The following MCM5 variants were observed in gnomAD, a reference collection of about 807,000 sequenced individuals.
MCM5 encodes the protein minichromosome maintenance complex component 5, also known as DNA replication licensing factor MCM5.
A neutral mutation model predicts 79.9 loss-of-function variants in MCM5; 46 were observed. The observed-to-expected ratio is 0.58, with a 90% CI of 0.45 to 0.74. The LOEUF (loss-of-function observed/expected upper bound fraction) is 0.74, where lower values mean the gene tolerates loss of function less well. Among genes scored for constraint, MCM5 ranks in the 30% least tolerant of loss-of-function variants. The pLI, the probability that MCM5 is intolerant of heterozygous loss-of-function variation, is 0.00. For synonymous variants in MCM5, 404 were observed against 390.5 expected, an observed-to-expected ratio of 1.03 and a Z score of -0.41; for missense variants, 883 against 1,017.0, an observed-to-expected ratio of 0.87 and a Z score of 1.79.
chr22:35,413,746 C>A, intron 8 of MCM5, 129 bp from the exon 9 acceptor site: 2 of 655,286 alleles, frequency 3.1e-6, no homozygotes, highest in Non-Finnish European at 5.6e-6. Flanking sequence ...ACAGCCACTA[C>A]CTTCTTACCA....
At chr22:35,445,325 C>CTTTTTTTTTTTT in the MCM5 span, among the ~76,000 whole-genome samples, 2 of 83,626 alleles carry the variant, frequency 2.4e-5, no homozygotes, top group African/African-American at 5.2e-5. Flanking sequence ...TTTGACTATG[C>CTTTTTTTTTTTT]TTTTTTTTTT....
At chr22:35,412,253 C>T (rs1043352425) in intron 7 of MCM5, among the ~76,000 whole-genome samples, 1 of 152,208 alleles carries the variant, frequency 6.6e-6, no homozygotes, top group African/African-American at 2.4e-5. Context: ...TTTCCAAGGT[C>T]CTATGCCATC....
chr22:35,403,281 A>T lies in MCM5; in HGVS notation c.242A>T (p.Asp81Val), dbSNP rs1932114059. ...EVEMEDLASFDEDLADYLYKQ... is the reference protein window; with the variant it reads ...EVEMEDLASFVEDLADYLYKQ... ...GAGATGGAGGATCTGGCCAGCTTTG[A>T]TGAGGACCTGGCCGACTACTTGTAC... Residue 81 changes from aspartate (D) to valine (V), a missense_variant, in exon 3 of 17, where the codon GAT becomes GTT. Physicochemically the swap from Asp to Val is radical, Grantham distance 152. Transcript: ENST00000216122. 1.2e-6 allele frequency: 2 copies of T among 1,613,944 alleles called. No homozygotes were observed. The highest frequency in any genetic ancestry group is 1.7e-5 in the Admixed American group (1 of 59,990).
At chr22:35,454,177 C>G in the MCM5 span, among the ~76,000 whole-genome samples, 97 of 152,200 alleles carry the variant, frequency 6.4e-4, 1 homozygote, top group East Asian at 0.012. Flanking sequence ...CCTCCTCTCC[C>G]CAACGCCTTC....
chr22:35,406,464 C>T (rs1272957604), intron 4 of MCM5, 89 bp from the exon 5 acceptor site: 3 of 1,294,988 alleles, frequency 2.3e-6, no homozygotes, highest in East Asian at 2.3e-5. Context: ...CCCACCTCCT[C>T]CAGGCTCCTG....
At chr22:35,438,476 TATCCATCCATCCATCC>T in the MCM5 span, among the ~76,000 whole-genome samples, 4 of 107,606 alleles carry the variant, frequency 3.7e-5, no homozygotes, top group Non-Finnish European at 5.5e-5. Flanking sequence ...TCCATCCACA[TATCCATCCATCCATCC>T]ATCCATCCAT....
chr22:35,410,973 A>G, intron 7 of MCM5, 63 bp downstream of exon 7: 4 of 1,476,908 alleles, frequency 2.7e-6, no homozygotes, highest in Non-Finnish European at 3.6e-6. Context: ...TACTTCTGGT[A>G]ACAGGCAGCT....
intron 2 of MCM5, among the ~76,000 whole-genome samples, chr22:35,402,308 G>GT (rs112726272): frequency 2.6e-5 from 4 of 151,424 alleles, no homozygotes; most frequent in African/African-American, 7.3e-5. Flanking sequence ...GGTGCCTCCA[G>GT]TTTTTTTGTT....
At chr22:35,421,634 C>T (rs771713033) in intron 15 of MCM5, 174 bp downstream of exon 15, 31 of 814,576 alleles carry the variant, frequency 3.8e-5, no homozygotes, top group East Asian at 2.9e-4. Flanking sequence ...TTCTCCCCAC[C>T]GCTGTTTCCT....
chr22:35,417,432 A>G (rs550626258), intron 12 of MCM5, among the ~76,000 whole-genome samples: 1 of 152,292 alleles, frequency 6.6e-6, no homozygotes, highest in African/African-American at 2.4e-5. Flanking sequence ...GGTAGATCCT[A>G]TGTCCATGCC....
chr22:35,412,383 G>C, intron 7 of MCM5, 127 bp from the exon 8 acceptor site: 1 of 650,194 alleles, frequency 1.5e-6, no homozygotes. Context: ...CAGATAGGTT[G>C]TGCTGTCCTG....
chr22:35,400,710 C>T (rs1932019693), intron 2 of MCM5, 105 bp downstream of exon 2: 2 of 1,296,712 alleles, frequency 1.5e-6, no homozygotes, highest in Admixed American at 2.8e-5. Flanking sequence ...TGGGCCCAGA[C>T]GGGGGAAAGA....
chr22:35,421,678 C>G, intron 15 of MCM5: 1 of 640,490 alleles, frequency 1.6e-6, no homozygotes, highest in Non-Finnish European at 2.8e-6. Context: ...TCTCCAGACC[C>G]TTGAACACAA....
Position 35,421,641 on chromosome 22 carries a change from T to G in MCM5, c.1975+181T>G, listed in dbSNP as rs753606488. On this transcript the variant is annotated intron_variant, in intron 15 of 16. Coordinates refer to ENST00000216122, the MANE Select transcript of MCM5 (RefSeq NM_006739.4). ...CTCCTCCTTTCTCCCCACCGCTGTT[T>G]CCTCCAAGATGGGAAGAAGCAGCTT... 3 of 779,090 alleles carry G rather than the reference T, an allele frequency of 3.9e-6. No individual in the cohort carries two copies. The South Asian group carries it at 4.3e-5, about 11-fold the overall frequency. The allele number at this position is 779,090 out of a possible 1,614,324, so 48.3% of individuals were successfully genotyped here. A position where few individuals can be genotyped will look rare whatever the true frequency, so the allele number is the denominator to read the frequency against.
chr22:35,450,857 T>G, the MCM5 span, among the ~76,000 whole-genome samples: 1 of 152,192 alleles, frequency 6.6e-6, no homozygotes, highest in Non-Finnish European at 1.5e-5. Flanking sequence ...CCGCTCACGC[T>G]TTTCCATGTC....
At position 35,417,476 on chromosome 22, in the gene MCM5, C is replaced by T. The variant is rs564248274; in HGVS notation, c.1591-268C>T. ...GGTGGACAAGATACATGCCCCAAGT[C>T]GGGGTGGACAAGCTGAACCCACCCC... On this transcript the variant is annotated intron_variant, in intron 12 of 16. Coordinates refer to ENST00000216122, the MANE Select transcript of MCM5 (RefSeq NM_006739.4). Among the ~76,000 whole-genome samples the T allele has an allele frequency of 1.2e-4, 18 of 151,110 alleles. No homozygotes were observed. The South Asian group carries it at 2.3e-3, about 19-fold the overall frequency.
intron 10 of MCM5, 48 bp from the exon 11 acceptor site, chr22:35,416,291 C>T (rs780176266): frequency 5.8e-5 from 91 of 1,557,692 alleles, no homozygotes; most frequent in Non-Finnish European, 3.6e-5. Flanking sequence ...CTGCTCCCTG[C>T]TCCCTCACTT....
chr22:35,428,866 C>T (rs1932794062), downstream of MCM5, among the ~76,000 whole-genome samples: 2 of 151,820 alleles, frequency 1.3e-5, no homozygotes, highest in African/African-American at 4.8e-5. Flanking sequence ...AGTCACAGTG[C>T]ACTACAGCCT....
At chr22:35,419,337 T>A (rs1027229874) in intron 13 of MCM5, among the ~76,000 whole-genome samples, 2 of 152,130 alleles carry the variant, frequency 1.3e-5, no homozygotes, top group Admixed American at 6.5e-5. Context: ...GGGGAGGGGA[T>A]GGGATAGGGT....
Sources: gnomAD v4.1 joint callset for allele counts (sites outside exome capture counted in the v4.1 genomes callset) on GRCh38, gnomAD v4.1.1 for gene constraint, MANE v1.5 for transcripts, NCBI Gene and HGNC (gene_info 2026-07-23, HGNC 2026-07-21) for gene names.